The following REDIC1 variants were observed in gnomAD, a reference collection of about 807,000 sequenced individuals.
REDIC1 encodes regulator of DNA class I crossover intermediates 1.
the REDIC1 span, among the ~76,000 whole-genome samples, chr12:39,827,607 G>T: frequency 3.3e-5 from 5 of 152,170 alleles, no homozygotes; most frequent in Non-Finnish European, 5.9e-5. Flanking sequence ...CATGTTGGAG[G>T]TGTAGGGGGA....
chr12:39,779,634 C>T, the REDIC1 span, among the ~76,000 whole-genome samples: 1 of 152,222 alleles, frequency 6.6e-6, no homozygotes, highest in African/African-American at 2.4e-5. Context: ...AATTTCTTCA[C>T]TACATTGTAA....
the REDIC1 span, among the ~76,000 whole-genome samples, chr12:39,814,172 G>A: frequency 2.0e-5 from 3 of 152,072 alleles, no homozygotes; most frequent in African/African-American, 4.8e-5. Context: ...ACTTCAAAAC[G>A]TTAATCAACC....
At chr12:39,690,814 C>G in the REDIC1 span, among the ~76,000 whole-genome samples, 7 of 152,072 alleles carry the variant, frequency 4.6e-5, no homozygotes, top group Admixed American at 3.3e-4. Context: ...GCAAGGCTTG[C>G]CATCCTGGAG....
At chr12:39,787,090 G>A in the REDIC1 span, among the ~76,000 whole-genome samples, 8 of 152,122 alleles carry the variant, frequency 5.3e-5, no homozygotes, top group African/African-American at 1.9e-4. Context: ...TGTATCAGGA[G>A]TGACTCAATC....
chr12:39,790,124 G>T, the REDIC1 span, among the ~76,000 whole-genome samples: 148,973 of 149,028 alleles, frequency 1, 74,459 homozygotes, highest in Middle Eastern at 1. Context: ...ATTCTTTTGT[G>T]TTCTTTTTTT....
the REDIC1 span, among the ~76,000 whole-genome samples, chr12:39,726,128 C>T: frequency 1.3e-5 from 2 of 151,858 alleles, no homozygotes; most frequent in South Asian, 2.1e-4. Flanking sequence ...CTGCTGCCTC[C>T]TCCTCCTCCT....
chr12:39,838,506 TA>T, the REDIC1 span, among the ~76,000 whole-genome samples: 2,755 of 142,278 alleles, frequency 0.019, 73 homozygotes, highest in African/African-American at 0.06. Context: ...AAAAATAAAT[TA>T]AAAAAAAAAA....
chr12:39,870,379 T>C, the REDIC1 span, among the ~76,000 whole-genome samples: 9 of 152,236 alleles, frequency 5.9e-5, no homozygotes, highest in Non-Finnish European at 8.8e-5. Flanking sequence ...CACTGCCTGA[T>C]AGTAATCTAT....
chr12:39,733,949 A>T, the REDIC1 span, among the ~76,000 whole-genome samples: 1 of 152,082 alleles, frequency 6.6e-6, no homozygotes, highest in Non-Finnish European at 1.5e-5. Flanking sequence ...CTACTGGGGT[A>T]TGAAAAAAAA....
At chr12:39,643,932 T>C in the REDIC1 span, 2 of 1,503,524 alleles carry the variant, frequency 1.3e-6, no homozygotes, top group South Asian at 2.5e-5. Context: ...GTCATTCCAA[T>C]TGCATTCTGT....
At chr12:39,826,906 A>G in the REDIC1 span, among the ~76,000 whole-genome samples, 3 of 54,062 alleles carry the variant, frequency 5.5e-5, no homozygotes, top group Non-Finnish European at 9.8e-5. Flanking sequence ...TCATTTGTCC[A>G]TCTGTCACAC....
the REDIC1 span, chr12:39,682,630 C>G: frequency 6.3e-7 from 1 of 1,580,154 alleles, no homozygotes; most frequent in African/African-American, 1.4e-5. Flanking sequence ...TAGGAATTTA[C>G]TTACTAAAAG....
chr12:39,752,302 C>A, the REDIC1 span, among the ~76,000 whole-genome samples: 1 of 152,100 alleles, frequency 6.6e-6, no homozygotes, highest in Non-Finnish European at 1.5e-5. Flanking sequence ...CTTATGGGAG[C>A]ACAAACCCTA....
chr12:39,892,208 T>C, the REDIC1 span, among the ~76,000 whole-genome samples: 1 of 152,234 alleles, frequency 6.6e-6, no homozygotes, highest in Admixed American at 6.5e-5. Context: ...TTTCTGTAAT[T>C]AATAAGGCTG....
chr12:39,779,354 G>GT, the REDIC1 span, among the ~76,000 whole-genome samples: 1 of 152,172 alleles, frequency 6.6e-6, no homozygotes, highest in East Asian at 1.9e-4. Flanking sequence ...GAGAACTGAT[G>GT]TTTTTCTACA....
the REDIC1 span, among the ~76,000 whole-genome samples, chr12:39,723,444 A>T: frequency 6.6e-6 from 1 of 151,652 alleles, no homozygotes; most frequent in East Asian, 1.9e-4. Flanking sequence ...GTGAGTATGG[A>T]TTTGCAAAAT....
the REDIC1 span, among the ~76,000 whole-genome samples, chr12:39,896,507 T>C: frequency 4.1e-5 from 6 of 146,250 alleles, no homozygotes; most frequent in South Asian, 6.4e-4. Flanking sequence ...TATATGTATG[T>C]ACATGTGTGT....
chr12:39,627,163 C>G, the REDIC1 span, among the ~76,000 whole-genome samples: 1 of 152,142 alleles, frequency 6.6e-6, no homozygotes, highest in Admixed American at 6.6e-5. Context: ...AAGAATTTAT[C>G]GGAGGAAAGA....
At chr12:39,772,451 T>C in the REDIC1 span, among the ~76,000 whole-genome samples, 1 of 152,146 alleles carries the variant, frequency 6.6e-6, no homozygotes, top group African/African-American at 2.4e-5. Context: ...CATAATACCC[T>C]ATGTAGAGAT....
Sources: gnomAD v4.1 joint callset for allele counts (sites outside exome capture counted in the v4.1 genomes callset) on GRCh38, gnomAD v4.1.1 for gene constraint, MANE v1.5 for transcripts, NCBI Gene and HGNC (gene_info 2026-07-23, HGNC 2026-07-21) for gene names.